Variants in FAAH2 observed in about 807,000 individuals in gnomAD.
FAAH2 encodes the protein fatty-acid amide hydrolase 2.
In FAAH2, 60 loss-of-function variants were observed where a neutral mutation model predicts 36.9. The observed-to-expected ratio is 1.63, with a 90% CI of 1.32 to 2.02. FAAH2 has a LOEUF of 2.02. FAAH2 is among the 30% of genes most tolerant of loss of function. The probability of loss-of-function intolerance (pLI) is 0.00; values close to 1 mark genes in which losing one functional copy is unlikely to be tolerated. For missense variants in FAAH2, 689 were observed against 397.5 expected, an observed-to-expected ratio of 1.73 and a Z score of -6.23; for synonymous variants, 214 against 143.8, an observed-to-expected ratio of 1.49 and a Z score of -3.49.
chrX:57,407,354 G>T (rs1323887203), intron 7 of FAAH2, among the ~76,000 whole-genome samples: 2 of 111,965 alleles, frequency 1.8e-5, no homozygotes, highest in African/African-American at 6.5e-5. Flanking sequence ...ACCAACCAGT[G>T]TTCTGCCCCC....
the FAAH2 span, among the ~76,000 whole-genome samples, chrX:57,138,824 T>C: frequency 2.7e-5 from 3 of 112,133 alleles, no homozygotes; most frequent in African/African-American, 9.7e-5. Context: ...CGATTTAGAA[T>C]ACTTTTTATA....
At chrX:57,161,524 C>T in the FAAH2 span, among the ~76,000 whole-genome samples, 1 of 111,206 alleles carries the variant, frequency 9.0e-6, no homozygotes, top group Admixed American at 9.6e-5. Flanking sequence ...TAAGGACTTG[C>T]CTTATGAATC....
At chrX:57,385,798 C>G (rs997408055) in intron 7 of FAAH2, among the ~76,000 whole-genome samples, 2 of 110,187 alleles carry the variant, frequency 1.8e-5, no homozygotes, top group Non-Finnish European at 3.8e-5. Context: ...GTCCCAGCTA[C>G]TCGGGAGGCT....
the FAAH2 span, among the ~76,000 whole-genome samples, chrX:57,185,495 T>TGTGTGC: frequency 0.013 from 1,257 of 100,548 alleles, 17 homozygotes; most frequent in African/African-American, 0.052. Flanking sequence ...TCTCTGTGTG[T>TGTGTGC]GTGTGTGTGT....
the FAAH2 span, among the ~76,000 whole-genome samples, chrX:57,235,408 A>C: frequency 8.9e-6 from 1 of 111,771 alleles, no homozygotes; most frequent in Non-Finnish European, 1.9e-5. Flanking sequence ...TCTTGTTGCT[A>C]CAAAAAGTCC....
chrX:57,458,435 G>A (rs1009307671), intron 10 of FAAH2, among the ~76,000 whole-genome samples: 1 of 111,014 alleles, frequency 9.0e-6, no homozygotes, highest in Non-Finnish European at 1.9e-5. Context: ...AGAGGTTGCA[G>A]TGAATCGAGA....
chrX:57,234,931 G>A, the FAAH2 span, among the ~76,000 whole-genome samples: 1 of 111,537 alleles, frequency 9.0e-6, no homozygotes, highest in Non-Finnish European at 1.9e-5. Flanking sequence ...CTAGCTACTA[G>A]GGAGGCTGAG....
intron 10 of FAAH2, chrX:57,452,338 C>G: frequency 2.7e-6 from 2 of 752,765 alleles, no homozygotes; most frequent in Non-Finnish European, 1.6e-6. Flanking sequence ...ACATGCCACT[C>G]TCAAGAGTCC....
the FAAH2 span, among the ~76,000 whole-genome samples, chrX:57,241,872 G>A: frequency 6.3e-5 from 7 of 111,089 alleles, no homozygotes; most frequent in Non-Finnish European, 1.1e-4. Flanking sequence ...AGCAGCTATG[G>A]CCAGACTGCC....
At chrX:57,192,732 G>T in the FAAH2 span, among the ~76,000 whole-genome samples, 3 of 112,017 alleles carry the variant, frequency 2.7e-5, no homozygotes, top group South Asian at 3.7e-4. Flanking sequence ...TGAAGATTTC[G>T]TGGACATTTA....
rs1428088911 is a variant in FAAH2 at position 57,381,460 on chromosome X, C to A, written c.996+431C>A. On this transcript the variant is annotated intron_variant, in intron 7 of 10. Transcript: ENST00000374900. ...ATTTGTCTTTTTAAAAGCAAGAGTT[C>A]ATTTGGGAAAGAAGAATAATAAGGG... The A allele has an allele frequency of 1.3e-5, 6 of 457,390 alleles. No homozygotes were observed. In the African/African-American group the frequency reaches 1.6e-4, roughly 12 times the overall value. The allele number at this position is 457,390 out of a possible 1,213,427, so 37.7% of individuals were successfully genotyped here. A position where few individuals can be genotyped will look rare whatever the true frequency, so the allele number is the denominator to read the frequency against.
the FAAH2 span, among the ~76,000 whole-genome samples, chrX:57,173,639 C>A: frequency 1.8e-5 from 2 of 111,744 alleles, no homozygotes. Flanking sequence ...AAATAGGCAA[C>A]CTTGTTCCAA....
At position 57,377,744 on chromosome X, in the gene FAAH2, A is replaced by G. The variant is rs2054723052; in HGVS notation, c.743-907A>G. ...ATAAATTACTTTGGGTAGTATGGCC[A>G]TTTTTACAGTATTGATTCTTGCTAT... On this transcript the variant is annotated intron_variant, in intron 5 of 10. Transcript: ENST00000374900. 1.8e-5 allele frequency among the ~76,000 whole-genome samples: 2 copies of G among 112,099 alleles called. 1 individual carries two copies. Among genetic ancestry groups the G allele is most frequent in the Admixed American group, 1.9e-4 (2 of 10,582 alleles).
chrX:57,160,159 GA>G, the FAAH2 span, among the ~76,000 whole-genome samples: 7 of 111,693 alleles, frequency 6.3e-5, no homozygotes, highest in African/African-American at 2.3e-4. Context: ...TTTGTATGTT[GA>G]ACCACCCTTG....
chrX:57,193,935 A>T, the FAAH2 span, among the ~76,000 whole-genome samples: 12 of 111,313 alleles, frequency 1.1e-4, no homozygotes, highest in African/African-American at 3.3e-4. Flanking sequence ...ATTTTGTTGC[A>T]GTTTTTTGAA....
chrX:57,391,871 G>A (rs1384692715), intron 7 of FAAH2, among the ~76,000 whole-genome samples: 1 of 109,709 alleles, frequency 9.1e-6, no homozygotes, highest in African/African-American at 3.3e-5. Context: ...TCTTTGTAAT[G>A]ATAGGAGTTA....
intron 5 of FAAH2, among the ~76,000 whole-genome samples, chrX:57,375,461 T>C (rs1399277729): frequency 9.3e-6 from 1 of 108,082 alleles, no homozygotes; most frequent in Non-Finnish European, 1.9e-5. Flanking sequence ...GGGAGAGTTG[T>C]ATATTTCCAG....
At chrX:57,145,637 C>T in the FAAH2 span, among the ~76,000 whole-genome samples, 1 of 112,019 alleles carries the variant, frequency 8.9e-6, no homozygotes, top group Non-Finnish European at 1.9e-5. Flanking sequence ...TTGCCTAAGC[C>T]AATGTCTAGA....
At chrX:57,403,222 C>T (rs1017937581) in intron 7 of FAAH2, among the ~76,000 whole-genome samples, 3 of 112,186 alleles carry the variant, frequency 2.7e-5, no homozygotes, top group Non-Finnish European at 3.8e-5. Context: ...AACATAGGGA[C>T]GCCAGCACCC....
Sources: allele counts gnomAD v4.1 joint callset (sites outside exome capture counted in the v4.1 genomes callset), GRCh38; gene constraint gnomAD v4.1.1; transcripts MANE v1.5; gene names NCBI Gene and HGNC (gene_info 2026-07-23, HGNC 2026-07-21).